The following KHDRBS2 variants were observed in gnomAD, a reference collection of about 807,000 sequenced individuals.
KHDRBS2 encodes the protein KH RNA binding domain containing, signal transduction associated 2.
KHDRBS2 carries 26 observed loss-of-function variants against 44.3 expected under a neutral mutation model. That is an observed-to-expected ratio of 0.59 (90% confidence interval 0.43 to 0.81). The LOEUF is 0.81. KHDRBS2 is among the 40% of genes least tolerant of loss of function. The pLI, the probability that KHDRBS2 is intolerant of heterozygous loss-of-function variation, is 0.00. For missense variants in KHDRBS2, 476 were observed against 433.1 expected (o/e 1.10, Z -0.88); for synonymous variants, 194 against 151.1 (o/e 1.28, Z -2.08).
At chr6:61,777,671 C>T (rs1162287445) in intron 6 of KHDRBS2, among the ~76,000 whole-genome samples, 1 of 152,026 alleles carries the variant, frequency 6.6e-6, no homozygotes, top group Admixed American at 6.6e-5. Flanking sequence ...CATTGATGCT[C>T]TCTGGTGATA....
chr6:62,139,757 C>T (rs536329462), intron 2 of KHDRBS2, among the ~76,000 whole-genome samples: 3 of 152,198 alleles, frequency 2.0e-5, no homozygotes, highest in South Asian at 2.1e-4. Flanking sequence ...TGACTTTTAA[C>T]GATTATGCTA....
chr6:61,549,006 C>A, the KHDRBS2 span, among the ~76,000 whole-genome samples: 1 of 151,952 alleles, frequency 6.6e-6, no homozygotes, highest in Non-Finnish European at 1.5e-5. Flanking sequence ...AGTGGGTTTG[C>A]CAACATAGCA....
intron 2 of KHDRBS2, among the ~76,000 whole-genome samples, chr6:62,109,933 A>G (rs897523392): frequency 2.6e-5 from 4 of 151,934 alleles, no homozygotes; most frequent in Non-Finnish European, 5.9e-5. Flanking sequence ...TTCTAAAAGA[A>G]GACATAGGAG....
At chr6:62,224,668 G>C (rs550766225) in intron 1 of KHDRBS2, among the ~76,000 whole-genome samples, 298 of 152,246 alleles carry the variant, frequency 2.0e-3, no homozygotes, top group Middle Eastern at 0.01. Flanking sequence ...AAAGGTATCA[G>C]TCCAATCTAT....
intron 4 of KHDRBS2, among the ~76,000 whole-genome samples, chr6:61,911,352 A>T (rs1474183694): frequency 2.0e-5 from 3 of 152,140 alleles, no homozygotes; most frequent in Non-Finnish European, 2.9e-5. Flanking sequence ...TTCTGGGGAG[A>T]CAGTGGAGGA....
At chr6:62,101,659 G>A (rs533474460) in intron 2 of KHDRBS2, among the ~76,000 whole-genome samples, 37 of 152,238 alleles carry the variant, frequency 2.4e-4, no homozygotes, top group African/African-American at 8.4e-4. Context: ...AGGGAAACAG[G>A]TATCAAAGAT....
In KHDRBS2 at chr6:61,745,560, C is replaced by T. The variant is rs372916112; in HGVS notation, c.811-12796G>A. Among the ~76,000 whole-genome samples, 14 of 152,260 alleles carry T rather than the reference C, an allele frequency of 9.2e-5. No homozygotes were observed. In the South Asian group the frequency reaches 1.5e-3, roughly 16 times the overall value. On this transcript the variant is annotated intron_variant, in intron 6 of 8. Transcript: ENST00000281156. Reference sequence around the variant, plus strand: ...TAAAGTCAGTGGCATAAGTCTCTAACGCCTTCTAATACACTCACCAGAAAG... The same window carrying T: ...TAAAGTCAGTGGCATAAGTCTCTAATGCCTTCTAATACACTCACCAGAAAG...
At chr6:62,045,569 C>CT (rs1562714685) in intron 3 of KHDRBS2, among the ~76,000 whole-genome samples, 1 of 151,960 alleles carries the variant, frequency 6.6e-6, no homozygotes, top group Non-Finnish European at 1.5e-5. Flanking sequence ...AATGTAAACT[C>CT]TAAGAGAGGA....
intron 4 of KHDRBS2, among the ~76,000 whole-genome samples, chr6:61,923,636 C>A (rs1808460853): frequency 1.3e-5 from 2 of 151,976 alleles, no homozygotes; most frequent in East Asian, 3.9e-4. Context: ...TCATTTCTGA[C>A]CACAAAAACT....
At chr6:61,637,837 G>C in the KHDRBS2 span, among the ~76,000 whole-genome samples, 2 of 152,090 alleles carry the variant, frequency 1.3e-5, no homozygotes, top group African/African-American at 4.8e-5. Context: ...GTCTTCTTTT[G>C]AGAAGTGTCT....
chr6:61,789,741 G>A (rs1245933112), intron 6 of KHDRBS2, among the ~76,000 whole-genome samples: 2 of 151,422 alleles, frequency 1.3e-5, no homozygotes, highest in Non-Finnish European at 3.0e-5. Flanking sequence ...TGGGTCTAGA[G>A]TTTCAGACTT....
chr6:61,584,054 T>C, the KHDRBS2 span, among the ~76,000 whole-genome samples: 22 of 151,878 alleles, frequency 1.4e-4, no homozygotes, highest in African/African-American at 5.1e-4. Context: ...TTATATTCTT[T>C]GTATCCTGTG....
At chr6:61,860,419 T>C (rs1249961870) in intron 6 of KHDRBS2, among the ~76,000 whole-genome samples, 1 of 152,088 alleles carries the variant, frequency 6.6e-6, no homozygotes, top group African/African-American at 2.4e-5. Flanking sequence ...TCCCTCAATG[T>C]GTCCATGTGC....
At chr6:62,240,792 T>C (rs968225940) in intron 1 of KHDRBS2, among the ~76,000 whole-genome samples, 1 of 149,116 alleles carries the variant, frequency 6.7e-6, no homozygotes, top group Non-Finnish European at 1.5e-5. Flanking sequence ...TCCCCTTTCT[T>C]GTCTGTAACT....
intron 1 of KHDRBS2, among the ~76,000 whole-genome samples, chr6:62,214,178 A>G (rs1321466893): frequency 6.6e-6 from 1 of 152,032 alleles, no homozygotes; most frequent in African/African-American, 2.4e-5. Context: ...CCATGGCAAA[A>G]TTTCTTTGTG....
chr6:62,105,233 C>CA (rs1802902097), intron 2 of KHDRBS2, among the ~76,000 whole-genome samples: 1 of 152,080 alleles, frequency 6.6e-6, no homozygotes, highest in South Asian at 2.1e-4. Flanking sequence ...CCAATTCTTC[C>CA]AAAAAGTTGA....
At chr6:62,161,150 T>C (rs1817536190) in intron 2 of KHDRBS2, among the ~76,000 whole-genome samples, 1 of 152,068 alleles carries the variant, frequency 6.6e-6, no homozygotes, top group African/African-American at 2.4e-5. Flanking sequence ...TTTCTTTTTT[T>C]CACCTTCGAT....
chr6:61,559,735 T>G, the KHDRBS2 span, among the ~76,000 whole-genome samples: 62 of 152,198 alleles, frequency 4.1e-4, no homozygotes, highest in African/African-American at 1.4e-3. Context: ...CTTTTTAAAC[T>G]TTTTGTTGTT....
chr6:62,098,120 A>C (rs1801034082), intron 2 of KHDRBS2, among the ~76,000 whole-genome samples: 1 of 152,136 alleles, frequency 6.6e-6, no homozygotes, highest in African/African-American at 2.4e-5. Context: ...AGTCATTTTT[A>C]ACAATTTTGT....
Sources: allele counts gnomAD v4.1 joint callset (sites outside exome capture counted in the v4.1 genomes callset), GRCh38; gene constraint gnomAD v4.1.1; transcripts MANE v1.5; gene names NCBI Gene and HGNC (gene_info 2026-07-23, HGNC 2026-07-21).